Variants in PLD5 observed in about 807,000 individuals in gnomAD.
The protein encoded by PLD5 is phospholipase D family member 5, also known as inactive phospholipase D5.
In PLD5, 36 loss-of-function variants were observed where a neutral mutation model predicts 61.1. That is an observed-to-expected ratio of 0.59 (90% CI 0.45 to 0.78). The LOEUF (loss-of-function observed/expected upper bound fraction) is 0.78, where lower values mean the gene tolerates loss of function less well. Among genes scored for constraint, PLD5 ranks in the 30% least tolerant of loss-of-function variants. PLD5 has a pLI of 0.00. For synonymous variants in PLD5, 243 were observed against 242.8 expected, an observed-to-expected ratio of 1.00 and a Z score of -0.01; for missense variants, 515 against 644.4, an observed-to-expected ratio of 0.80 and a Z score of 2.17.
At chr1:242,238,109 GAC>G (rs1262419017) in intron 4 of PLD5, among the ~76,000 whole-genome samples, 1 of 152,038 alleles carries the variant, frequency 6.6e-6, no homozygotes, top group African/African-American at 2.4e-5. Flanking sequence ...CTTCTGATTG[GAC>G]ACAGACTGAT....
chr1:242,477,981 TA>T (rs1667651089), intron 1 of PLD5, among the ~76,000 whole-genome samples: 1 of 152,216 alleles, frequency 6.6e-6, no homozygotes, highest in Non-Finnish European at 1.5e-5. Flanking sequence ...TACTAAGCTT[TA>T]AATGTAAAGG....
At chr1:242,259,798 T>C (rs1159559001) in intron 4 of PLD5, among the ~76,000 whole-genome samples, 1 of 152,166 alleles carries the variant, frequency 6.6e-6, no homozygotes, top group South Asian at 2.1e-4. Context: ...GAAAGTACAA[T>C]GAATTGTTAT....
intron 1 of PLD5, among the ~76,000 whole-genome samples, chr1:242,479,001 T>C (rs1667684784): frequency 6.6e-6 from 1 of 152,208 alleles, no homozygotes; most frequent in Non-Finnish European, 1.5e-5. Context: ...ATGATATTGT[T>C]TAATGGAAAT....
chr1:242,198,190 T>C (rs1668763243), intron 5 of PLD5, among the ~76,000 whole-genome samples: 1 of 152,212 alleles, frequency 6.6e-6, no homozygotes, highest in South Asian at 2.1e-4. Context: ...ATTTTAGAGA[T>C]GTTCCCTGCG....
At chr1:242,240,755 G>C (rs402814) in intron 4 of PLD5, among the ~76,000 whole-genome samples, 7,844 of 152,226 alleles carry the variant, frequency 0.052, 674 homozygotes, top group African/African-American at 0.18. Flanking sequence ...TGGAGACAAG[G>C]ATGTGGAGAA....
At chr1:242,185,881 G>C (rs1021031487) in intron 5 of PLD5, among the ~76,000 whole-genome samples, 5 of 151,958 alleles carry the variant, frequency 3.3e-5, no homozygotes, top group Non-Finnish European at 7.4e-5. Context: ...TATTCTAGAA[G>C]ACCCTACACC....
intron 5 of PLD5, chr1:242,209,224 C>T (rs1669638797): frequency 6.6e-6 from 1 of 152,106 alleles, no homozygotes; most frequent in Admixed American, 6.5e-5. Flanking sequence ...TTAGGAGCTC[C>T]TGAATTTCAC....
chr1:242,432,418 C>G (rs568974363), intron 1 of PLD5, among the ~76,000 whole-genome samples: 1 of 152,346 alleles, frequency 6.6e-6, no homozygotes, highest in South Asian at 2.1e-4. Flanking sequence ...CTTGTGAAGT[C>G]TAATGGACCA....
intron 2 of PLD5, among the ~76,000 whole-genome samples, chr1:242,311,938 T>G (rs905894331): frequency 5.3e-5 from 8 of 151,186 alleles, no homozygotes; most frequent in African/African-American, 1.7e-4. Context: ...CATCAATGAT[T>G]TTAAATGACC....
rs74152358 is a variant in PLD5 at position 242,339,642 on chromosome 1, A to G, written c.326+8464T>C. On this transcript the variant is annotated intron_variant, in intron 2 of 9. Coordinates refer to ENST00000536534, the MANE Select transcript of PLD5 (RefSeq NM_001372062.1). ...AGAATAAATAGCCTTTGCTTTTCTCATGGGGTTGGCCTTCATTTATTTCCA... is the reference window on the plus strand; with the variant it reads ...AGAATAAATAGCCTTTGCTTTTCTCGTGGGGTTGGCCTTCATTTATTTCCA... Among the ~76,000 whole-genome samples the G allele has an allele frequency of 2.4e-3, 366 of 152,268 alleles. 3 individuals carry two copies. The highest frequency in any genetic ancestry group is 8.4e-3 in the African/African-American group (350 of 41,548).
intron 1 of PLD5, among the ~76,000 whole-genome samples, chr1:242,402,103 A>G (rs1191356400): frequency 6.6e-6 from 1 of 152,236 alleles, no homozygotes; most frequent in African/African-American, 2.4e-5. Flanking sequence ...AAAATGACTA[A>G]GAGATTTCAA....
intron 1 of PLD5, among the ~76,000 whole-genome samples, chr1:242,463,077 A>G (rs565665618): frequency 3.9e-5 from 6 of 152,188 alleles, no homozygotes; most frequent in African/African-American, 1.2e-4. Flanking sequence ...TGTAATGTCA[A>G]TCTCATGCCT....
At chr1:242,236,610 G>A (rs1193520548) in intron 4 of PLD5, among the ~76,000 whole-genome samples, 1 of 152,080 alleles carries the variant, frequency 6.6e-6, no homozygotes. Flanking sequence ...ACTATTAAGA[G>A]ATTTAAAGGG....
At chr1:242,451,019 T>G (rs1368146073) in intron 1 of PLD5, among the ~76,000 whole-genome samples, 4 of 152,210 alleles carry the variant, frequency 2.6e-5, no homozygotes, top group Non-Finnish European at 5.9e-5. Context: ...CCTGAGGTCC[T>G]TTCTCTAGAA....
At chr1:242,267,038 A>G (rs1043460084) in intron 3 of PLD5, among the ~76,000 whole-genome samples, 9 of 152,060 alleles carry the variant, frequency 5.9e-5, no homozygotes, top group African/African-American at 2.2e-4. Context: ...AATCACTGGA[A>G]CCTGGGAGGT....
chr1:242,195,610 G>A (rs1260619796), intron 5 of PLD5, among the ~76,000 whole-genome samples: 2 of 152,166 alleles, frequency 1.3e-5, no homozygotes, highest in Non-Finnish European at 2.9e-5. Flanking sequence ...TGTCTGGCAG[G>A]CAATTTCAGA....
intron 9 of PLD5, among the ~76,000 whole-genome samples, chr1:242,091,291 G>C (rs1350733408): frequency 6.6e-6 from 1 of 152,138 alleles, no homozygotes; most frequent in Non-Finnish European, 1.5e-5. Context: ...TCATGCAAAG[G>C]AGTAAGCCTG....
In PLD5 at chr1:242,196,123, T is replaced by C. The variant is rs530764814; in HGVS notation, c.735+23865A>G. The stretch of plus-strand genomic sequence containing the variant: ...GGTGAGGATTGGTAAAAGGCAAAAA[T>C]GTTACCTAGACAGATGCAAGTGAAT... On this transcript the variant is annotated intron_variant, in intron 5 of 9. Coordinates refer to ENST00000536534, the MANE Select transcript of PLD5 (RefSeq NM_001372062.1). Among the ~76,000 whole-genome samples the C allele has an allele frequency of 1.4e-4, 21 of 152,314 alleles. No homozygotes were observed. In the South Asian group the frequency reaches 1.7e-3, roughly 12 times the overall value.
At chr1:242,253,031 G>T (rs1175297497) in intron 4 of PLD5, among the ~76,000 whole-genome samples, 1 of 151,016 alleles carries the variant, frequency 6.6e-6, no homozygotes, top group Non-Finnish European at 1.5e-5. Context: ...TGCTCAGGCT[G>T]GTCTCAAACT....
Sources: allele counts gnomAD v4.1 joint callset (sites outside exome capture counted in the v4.1 genomes callset), GRCh38; gene constraint gnomAD v4.1.1; transcripts MANE v1.5; gene names NCBI Gene and HGNC (gene_info 2026-07-23, HGNC 2026-07-21).